The following MKX variants were observed in gnomAD, a reference collection of about 807,000 sequenced individuals.
MKX encodes homeobox protein Mohawk.
A neutral mutation model predicts 36.0 loss-of-function variants in MKX; 13 were observed. That is an observed-to-expected ratio of 0.36 (90% CI 0.24 to 0.57). MKX has a LOEUF of 0.57. Among genes scored for constraint, MKX ranks in the 20% least tolerant of loss-of-function variants. MKX has a pLI of 0.79. For synonymous variants in MKX, 176 were observed against 178.3 expected, an observed-to-expected ratio of 0.99 and a Z score of 0.10; for missense variants, 458 against 456.4, an observed-to-expected ratio of 1.00 and a Z score of -0.03.
At position 27,742,617 on chromosome 10, in the gene MKX, G is replaced by GC. The variant is rs374882715; in HGVS notation, c.188+610dup. 1.5e-3 allele frequency among the ~76,000 whole-genome samples: 220 copies of GC among 149,536 alleles called. 1 individual carries two copies. The highest frequency in any genetic ancestry group is 3.1e-3 in the African/African-American group (126 of 40,730). ...GCAGCTGGCCCACCCGCAAGCTACCGCCCCCCCCAGCATACCCCTCACCCC... is the reference window on the plus strand; with the variant it reads ...GCAGCTGGCCCACCCGCAAGCTACCGCCCCCCCCCAGCATACCCCTCACCCC... On this transcript the variant is annotated intron_variant, in intron 2 of 6. Coordinates refer to ENST00000419761, the MANE Select transcript of MKX (RefSeq NM_173576.3). The surrounding 1 kb of genome is among the most constrained non-coding windows in gnomAD (Gnocchi z 4.2).
intron 5 of MKX, among the ~76,000 whole-genome samples, chr10:27,709,102 G>C (rs1281304241): frequency 6.6e-6 from 1 of 152,022 alleles, no homozygotes; most frequent in Non-Finnish European, 1.5e-5. Context: ...CTGGGAGGTG[G>C]ATGTTGCAGT....
intron 5 of MKX, among the ~76,000 whole-genome samples, chr10:27,712,074 G>A (rs1047385939): frequency 2.0e-5 from 3 of 152,070 alleles, no homozygotes; most frequent in African/African-American, 7.2e-5. Context: ...GGGATCCCGT[G>A]GTGCCCCACA....
At chr10:27,710,993 A>G (rs1049330160) in intron 5 of MKX, among the ~76,000 whole-genome samples, 9 of 152,200 alleles carry the variant, frequency 5.9e-5, no homozygotes, top group African/African-American at 1.9e-4. Context: ...CTTACCAATT[A>G]TATTTATAAG....
chr10:27,729,373 C>T (rs1374380679), intron 5 of MKX, among the ~76,000 whole-genome samples: 2 of 143,712 alleles, frequency 1.4e-5, no homozygotes, highest in Admixed American at 7.5e-5. Flanking sequence ...GTGATCTCGG[C>T]TCAGTGCAAC....
chr10:27,688,218 C>T (rs1836392069), intron 5 of MKX, among the ~76,000 whole-genome samples: 1 of 151,958 alleles, frequency 6.6e-6, no homozygotes, highest in Admixed American at 6.6e-5. Context: ...AAGTTAACCT[C>T]CTCTCTCACT....
chr10:27,719,243 G>A (rs1834317345), intron 5 of MKX, among the ~76,000 whole-genome samples: 1 of 152,072 alleles, frequency 6.6e-6, no homozygotes, highest in African/African-American at 2.4e-5. Flanking sequence ...ATCCAAACTG[G>A]GAACCACAAC....
Position 27,743,229 on chromosome 10 carries a change from C to A in MKX, c.187G>T (p.Gly63Cys), listed in dbSNP as rs752451418. 1.0e-5 allele frequency: 15 copies of A among 1,502,162 alleles called. No individual in the cohort carries two copies. Among genetic ancestry groups the A allele is most frequent in the Non-Finnish European group, 1.2e-5 (14 of 1,132,160 alleles). 93.1% of individuals were successfully genotyped at this position (1,502,162 alleles called of 1,614,324 possible). A position where few individuals can be genotyped will look rare whatever the true frequency, so the allele number is the denominator to read the frequency against. Reference sequence around the variant, plus strand: ...GGGCCCCCAGGGGAGTGCGCATACCCGGTCCTCCGGTGTCTCAGGCCGAGG... The same window carrying A: ...GGGCCCCCAGGGGAGTGCGCATACCAGGTCCTCCGGTGTCTCAGGCCGAGG... ...DNLGLRHRRT[G>C]ARQNGGKVRH... Residue 63 changes from glycine to cysteine, a missense_variant and splice_region_variant, in exon 2 of 7, where the codon GGC becomes TGC. Gly to Cys is a radical substitution (Grantham distance 159). Around this residue, in one of 3 missense-constraint regions of MKX, gnomAD observed 149 missense variants for 114.3 expected, o/e 1.30. Coordinates refer to ENST00000419761, the MANE Select transcript of MKX (RefSeq NM_173576.3).
At chr10:27,734,270 A>G (rs1937412619) in intron 5 of MKX, among the ~76,000 whole-genome samples, 186 bp downstream of exon 5, 1 of 152,196 alleles carries the variant, frequency 6.6e-6, no homozygotes, top group South Asian at 2.1e-4. Context: ...TCTCAGTAAG[A>G]CCATAATCTA....
chr10:27,694,953 C>T (rs1836527770), intron 5 of MKX, among the ~76,000 whole-genome samples: 1 of 151,158 alleles, frequency 6.6e-6, no homozygotes, highest in Non-Finnish European at 1.5e-5. Flanking sequence ...CAAGCTCCTG[C>T]AGGTGTGTGG....
intron 5 of MKX, chr10:27,718,461 C>A: frequency 3.9e-6 from 1 of 257,928 alleles, no homozygotes; most frequent in Non-Finnish European, 8.0e-6. Flanking sequence ...CAATATGAAG[C>A]ATATGATATT....
chr10:27,677,917 T>C (rs548214946), intron 5 of MKX, among the ~76,000 whole-genome samples: 3 of 152,368 alleles, frequency 2.0e-5, no homozygotes, highest in Non-Finnish European at 2.9e-5. Flanking sequence ...TTCTGGCTCT[T>C]ACAGGGTCAG....
In MKX at chr10:27,741,093, T is replaced by A. The variant is rs1351134566; in HGVS notation, c.348+252A>T. On this transcript the variant is annotated intron_variant, in intron 3 of 6. Coordinates refer to ENST00000419761, the MANE Select transcript of MKX (RefSeq NM_173576.3). The surrounding 1 kb of genome is among the most constrained non-coding windows in gnomAD (Gnocchi z 5.1). Reference sequence around the variant, plus strand: ...CAGGCGATTCTGATGCTCACTAATGTTGAACCTTCTCGTAAGTCTGCAGTT... The same window carrying A: ...CAGGCGATTCTGATGCTCACTAATGATGAACCTTCTCGTAAGTCTGCAGTT... 6.6e-6 allele frequency among the ~76,000 whole-genome samples: 1 copy of A among 152,190 alleles called. No individual in the cohort carries two copies. Among genetic ancestry groups the A allele is most frequent in the African/African-American group, 2.4e-5 (1 of 41,456 alleles).
At chr10:27,681,318 G>A (rs1424101198) in intron 5 of MKX, among the ~76,000 whole-genome samples, 5 of 152,176 alleles carry the variant, frequency 3.3e-5, no homozygotes, top group Non-Finnish European at 7.4e-5. Context: ...GCGTGGTGGT[G>A]CATGCCTGTA....
At chr10:27,718,753 C>CT (rs1030965508) in intron 5 of MKX, among the ~76,000 whole-genome samples, 1 of 151,976 alleles carries the variant, frequency 6.6e-6, no homozygotes, top group Non-Finnish European at 1.5e-5. Flanking sequence ...ATAATTATGG[C>CT]TTTTTTTATT....
intron 5 of MKX, among the ~76,000 whole-genome samples, chr10:27,712,519 AG>A (rs921127691): frequency 6.6e-6 from 1 of 152,090 alleles, no homozygotes; most frequent in Non-Finnish European, 1.5e-5. Flanking sequence ...AAAAGGTGGG[AG>A]GGGGAAGAGT....
At chr10:27,702,437 T>C (rs1009925054) in intron 5 of MKX, among the ~76,000 whole-genome samples, 12 of 152,168 alleles carry the variant, frequency 7.9e-5, no homozygotes, top group Non-Finnish European at 2.9e-5. Flanking sequence ...TGGTGGTTTC[T>C]TAAAAAGGAA....
chr10:27,722,858 A>T (rs1834409996), intron 5 of MKX, among the ~76,000 whole-genome samples: 1 of 152,122 alleles, frequency 6.6e-6, no homozygotes, highest in Admixed American at 6.5e-5. Context: ...CATAGCACAG[A>T]TGGGTCATAT....
At chr10:27,713,267 G>A (rs565157648) in intron 5 of MKX, among the ~76,000 whole-genome samples, 67 of 152,296 alleles carry the variant, frequency 4.4e-4, no homozygotes, top group African/African-American at 1.6e-3. Context: ...TAGATCAAAA[G>A]GATCAGAGAT....
chr10:27,732,298 G>A (rs1834648855), intron 5 of MKX, among the ~76,000 whole-genome samples: 1 of 151,998 alleles, frequency 6.6e-6, no homozygotes, highest in African/African-American at 2.4e-5. Flanking sequence ...TTTGGGAATT[G>A]GATTGACTAA....
Sources: gnomAD v4.1 joint callset for allele counts (sites outside exome capture counted in the v4.1 genomes callset) on GRCh38, gnomAD v4.1.1 for gene constraint, gnomAD v4.1.1 regional missense constraint, Gnocchi (gnomAD v3.1) non-coding constraint, MANE v1.5 for transcripts, NCBI Gene and HGNC (gene_info 2026-07-23, HGNC 2026-07-21) for gene names.